Variants in CHFR observed in about 807,000 individuals in gnomAD.
The protein encoded by CHFR is checkpoint with forkhead and ring finger domains, also known as E3 ubiquitin-protein ligase CHFR.
A neutral mutation model predicts 87.6 loss-of-function variants in CHFR; 57 were observed. That is an observed-to-expected ratio of 0.65 (90% CI 0.53 to 0.81). CHFR has a LOEUF of 0.81. Ranked by LOEUF, CHFR falls within the 30% of genes least tolerant of loss-of-function variation. The pLI is 0.00. For missense variants in CHFR, 797 were observed against 865.8 expected, an observed-to-expected ratio of 0.92 and a Z score of 1.00; for synonymous variants, 381 against 359.2, an observed-to-expected ratio of 1.06 and a Z score of -0.69.
intron 13 of CHFR, 130 bp from the exon 14 acceptor site, chr12:132,848,285 A>C: frequency 2.0e-6 from 3 of 1,514,548 alleles, no homozygotes; most frequent in Non-Finnish European, 2.7e-6. Flanking sequence ...TTCAATGATA[A>C]AACTCAATTT....
chr12:132,856,297 G>A (rs899462763), intron 10 of CHFR, among the ~76,000 whole-genome samples, 171 bp downstream of exon 10: 7 of 152,200 alleles, frequency 4.6e-5, no homozygotes, highest in African/African-American at 1.7e-4. Flanking sequence ...CAGGGGAGGT[G>A]CTAATACTAT....
chr12:132,885,460 C>A (rs1386579883), intron 2 of CHFR, among the ~76,000 whole-genome samples: 15 of 142,336 alleles, frequency 1.1e-4, no homozygotes, highest in African/African-American at 3.4e-4. Context: ...AAATAAATTT[C>A]TGTTGCTTAA....
rs965751134 is a variant in CHFR, at chr12:132,869,644, T to C, written c.558A>G (p.Ala186=). 29 of 1,551,608 alleles carry C rather than the reference T, an allele frequency of 1.9e-5. No homozygotes were observed. The Admixed American group carries it at 3.3e-4, about 18-fold the overall frequency. The part of the protein sequence containing the change: ...ASASSTEPSP[A]GRERSSSCGS... ...CACAACTGGAGGAACGCTCTCGCCC[T>C]GCAGGAGAAGGCTCCGTGGAAGAGG... The change falls in exon 6 of 18, where the codon GCA becomes GCG. Residue 186 remains alanine (A), a synonymous_variant. Transcript: ENST00000450056.
chr12:132,846,261 G>A (rs941980010), intron 15 of CHFR, among the ~76,000 whole-genome samples: 3 of 73,884 alleles, frequency 4.1e-5, no homozygotes, highest in Non-Finnish European at 9.1e-5. Context: ...ATGCTTAACT[G>A]TCTTTTTTTT....
At chr12:132,884,612 G>A (rs1024544398) in intron 2 of CHFR, among the ~76,000 whole-genome samples, 2 of 152,074 alleles carry the variant, frequency 1.3e-5, no homozygotes, top group East Asian at 3.9e-4. Flanking sequence ...CACTAGGTGG[G>A]AATCAGATGT....
intron 2 of CHFR, among the ~76,000 whole-genome samples, chr12:132,879,614 C>G (rs760288927): frequency 1.3e-5 from 2 of 152,034 alleles, no homozygotes; most frequent in South Asian, 4.1e-4. Flanking sequence ...TGGTCTCGAT[C>G]TCTTGACCTC....
At chr12:132,858,220 T>C (rs10781662) in intron 8 of CHFR, among the ~76,000 whole-genome samples, 95,224 of 151,950 alleles carry the variant, frequency 0.63, 30,433 homozygotes, top group South Asian at 0.83. Context: ...ATTAGCCAGA[T>C]GTGGTGACGC....
At chr12:132,884,676 T>A (rs1321187705) in intron 2 of CHFR, among the ~76,000 whole-genome samples, 2 of 152,020 alleles carry the variant, frequency 1.3e-5, no homozygotes, top group African/African-American at 4.8e-5. Flanking sequence ...AGAGTCCCCC[T>A]CTCTGCCATG....
At chr12:132,862,199 C>T (rs1042223996) in intron 6 of CHFR, 4 of 213,240 alleles carry the variant, frequency 1.9e-5, no homozygotes, top group African/African-American at 4.8e-5. Context: ...TGCTTGAACC[C>T]GGGAGGCGGA....
intron 12 of CHFR, chr12:132,850,088 G>C (rs903313229): frequency 1.3e-5 from 2 of 152,128 alleles, no homozygotes; most frequent in African/African-American, 2.4e-5. Context: ...CAAGTAGCTG[G>C]AACTACAGGC....
At chr12:132,863,018 T>G (rs780594986) in intron 6 of CHFR, among the ~76,000 whole-genome samples, 11 of 150,356 alleles carry the variant, frequency 7.3e-5, no homozygotes, top group Non-Finnish European at 1.3e-4. Context: ...TGCCTCAGCC[T>G]CCTGAGTAGC....
At chr12:132,877,710 A>G in intron 2 of CHFR, 56 bp from the exon 3 acceptor site, 7 of 1,087,454 alleles carry the variant, frequency 6.4e-6, no homozygotes, top group Non-Finnish European at 9.6e-6. Context: ...TGTGAACACT[A>G]CTGCACTTTG....
chr12:132,862,412 G>T, intron 6 of CHFR: 1 of 449,656 alleles, frequency 2.2e-6, no homozygotes, highest in Non-Finnish European at 4.5e-6. Flanking sequence ...GGGCAACACA[G>T]CAAGGCACCA....
intron 6 of CHFR, among the ~76,000 whole-genome samples, chr12:132,864,693 T>A (rs1299931424): frequency 6.6e-6 from 1 of 152,174 alleles, no homozygotes; most frequent in Non-Finnish European, 1.5e-5. Context: ...TTTGCCATGT[T>A]GGCCAGGCTG....
chr12:132,861,920 G>A (rs943716597), intron 6 of CHFR: 4 of 396,852 alleles, frequency 1.0e-5, no homozygotes, highest in African/African-American at 4.0e-5. Context: ...CGAGTCTAAC[G>A]CAGGGCAAAC....
intron 7 of CHFR, 110 bp from the exon 8 acceptor site, chr12:132,859,337 G>A (rs770812049): frequency 4.0e-5 from 43 of 1,078,422 alleles, no homozygotes; most frequent in South Asian, 6.3e-5. Context: ...TGTCGTAACC[G>A]AGAAGGAAAT....
At chr12:132,847,745 C>T (rs1273414116) in intron 14 of CHFR, 12 of 1,195,564 alleles carry the variant, frequency 1.0e-5, no homozygotes, top group Non-Finnish European at 1.3e-5. Flanking sequence ...AGAGAAAAGG[C>T]CCTGGTCTTG....
chr12:132,873,866 C>T (rs1951554164), intron 3 of CHFR, among the ~76,000 whole-genome samples: 1 of 152,256 alleles, frequency 6.6e-6, no homozygotes, highest in African/African-American at 2.4e-5. Flanking sequence ...CACTCCTCCG[C>T]TTACACCCCT....
chr12:132,847,140 A>G lies in CHFR; in HGVS notation c.1648-10T>C. The G allele has an allele frequency of 1.2e-6, 2 of 1,610,496 alleles. No homozygotes were observed. The highest frequency in any genetic ancestry group is 1.7e-6 in the Non-Finnish European group (2 of 1,177,526). Reference sequence around the variant, plus strand: ...TGGTTGCCAGGTAATTCTGTGACGCAAAAAAAGAGAGGAATAAGAAATACT... The same window carrying G: ...TGGTTGCCAGGTAATTCTGTGACGCGAAAAAAGAGAGGAATAAGAAATACT... On this transcript the variant is annotated splice_polypyrimidine_tract_variant and intron_variant, in intron 14 of 17. Coordinates refer to ENST00000450056, the MANE Select transcript of CHFR (RefSeq NM_001161346.2).
Sources: allele counts gnomAD v4.1 joint callset (sites outside exome capture counted in the v4.1 genomes callset), GRCh38; gene constraint gnomAD v4.1.1; transcripts MANE v1.5; gene names NCBI Gene and HGNC (gene_info 2026-07-23, HGNC 2026-07-21).